COL4A6: variants seen among roughly 807,000 people sequenced by gnomAD.
COL4A6 encodes collagen alpha-6(IV) chain.
A neutral mutation model predicts 126.7 loss-of-function variants in COL4A6; 59 were observed. The ratio of observed to expected loss-of-function variants is 0.47; its 90% CI spans 0.38 to 0.58. COL4A6 has a LOEUF of 0.58. Ranked by LOEUF, COL4A6 falls within the 20% of genes least tolerant of loss-of-function variation. The pLI, the probability that COL4A6 is intolerant of heterozygous loss-of-function variation, is 0.00. For synonymous variants in COL4A6, 547 were observed against 496.6 expected (o/e 1.10, Z -1.35); for missense variants, 1,285 against 1,337.3 (o/e 0.96, Z 0.61).
intron 2 of COL4A6, among the ~76,000 whole-genome samples, chrX:108,345,247 G>T (rs781346368): frequency 9.0e-6 from 1 of 111,555 alleles, no homozygotes; most frequent in Non-Finnish European, 1.9e-5. Context: ...TCTGTTTTCA[G>T]ATGACTTTTA....
At chrX:108,284,537 A>G (rs1300194117) in intron 3 of COL4A6, among the ~76,000 whole-genome samples, 1 of 112,341 alleles carries the variant, frequency 8.9e-6, no homozygotes, top group Non-Finnish European at 1.9e-5. Context: ...ACAAAATAAA[A>G]CAAAACAAAA....
intron 7 of COL4A6, 66 bp from the exon 8 acceptor site, chrX:108,210,070 A>G: frequency 9.1e-7 from 1 of 1,094,987 alleles, no homozygotes; most frequent in Non-Finnish European, 1.3e-6. Context: ...CAGATAACTA[A>G]CCTAACATTT....
intron 3 of COL4A6, among the ~76,000 whole-genome samples, chrX:108,278,821 G>C (rs1208492761): frequency 9.0e-6 from 1 of 110,879 alleles, no homozygotes; most frequent in East Asian, 2.8e-4. Flanking sequence ...AGCCAGAAGA[G>C]AGTGGGGGCC....
At chrX:108,233,460 T>C (rs1460489594) in intron 3 of COL4A6, among the ~76,000 whole-genome samples, 1 of 110,804 alleles carries the variant, frequency 9.0e-6, no homozygotes, top group Admixed American at 9.6e-5. Context: ...ATTCCCTAAA[T>C]AGAAGGAGTA....
At chrX:108,187,369 A>G in intron 22 of COL4A6, 90 bp from the exon 23 acceptor site, 1 of 751,941 alleles carries the variant, frequency 1.3e-6, no homozygotes, top group Non-Finnish European at 1.8e-6. Flanking sequence ...AGCCAGTGTG[A>G]CCAATGCTTT....
At chrX:108,215,334 T>C (rs1263759911) in intron 5 of COL4A6, among the ~76,000 whole-genome samples, 1 of 112,345 alleles carries the variant, frequency 8.9e-6, no homozygotes, top group Non-Finnish European at 1.9e-5. Context: ...AGAGGAATGG[T>C]CAATAAACTT....
chrX:108,393,705 T>G (rs2148181659), intron 2 of COL4A6, among the ~76,000 whole-genome samples: 1 of 112,570 alleles, frequency 8.9e-6, no homozygotes, highest in South Asian at 3.6e-4. Context: ...GTTGAAATTA[T>G]TAGGTTGGTG....
chrX:108,322,707 A>G (rs1048008611), intron 2 of COL4A6, among the ~76,000 whole-genome samples: 2 of 112,166 alleles, frequency 1.8e-5, no homozygotes, highest in South Asian at 3.8e-4. Flanking sequence ...CTGAGTAGCT[A>G]TGAAAGAACA....
At chrX:108,168,122 T>A (rs909937211) in intron 37 of COL4A6, among the ~76,000 whole-genome samples, 3 of 112,724 alleles carry the variant, frequency 2.7e-5, no homozygotes, top group African/African-American at 9.7e-5. Context: ...CTTCTTGACC[T>A]GTGCTGTTTA....
intron 5 of COL4A6, among the ~76,000 whole-genome samples, chrX:108,217,971 C>T (rs1188595173): frequency 8.9e-6 from 1 of 111,808 alleles, no homozygotes; most frequent in East Asian, 2.8e-4. Context: ...GGGGTCTGAA[C>T]AGCTGCAACT....
intron 2 of COL4A6, among the ~76,000 whole-genome samples, chrX:108,387,567 T>C (rs1315064802): frequency 6.2e-5 from 7 of 112,247 alleles, no homozygotes; most frequent in Non-Finnish European, 1.3e-4. Flanking sequence ...ATTGATTTTG[T>C]ATCCTGAGAC....
intron 3 of COL4A6, among the ~76,000 whole-genome samples, chrX:108,230,375 T>C: frequency 8.9e-6 from 1 of 111,847 alleles, no homozygotes; most frequent in Middle Eastern, 4.6e-3. Flanking sequence ...AGGAGCAAAA[T>C]GGAATTAAAA....
chrX:108,299,124 A>T (rs998188270), intron 3 of COL4A6, among the ~76,000 whole-genome samples: 3 of 111,337 alleles, frequency 2.7e-5, no homozygotes, highest in Non-Finnish European at 5.7e-5. Flanking sequence ...CTGAGGGGTC[A>T]ATATTAGTAT....
At chrX:108,292,993 C>CAAAAAAAAAAA (rs149076547) in intron 3 of COL4A6, among the ~76,000 whole-genome samples, 2 of 14,555 alleles carry the variant, frequency 1.4e-4, no homozygotes, top group Non-Finnish European at 2.4e-4. Context: ...AGGAAAAAAG[C>CAAAAAAAAAAA]AAAAAAAAAA....
intron 3 of COL4A6, among the ~76,000 whole-genome samples, chrX:108,294,637 G>A (rs1603031600): frequency 9.0e-6 from 1 of 111,442 alleles, no homozygotes; most frequent in African/African-American, 3.3e-5. Flanking sequence ...GAGACGCTTC[G>A]GTTTGGGGTC....
chrX:108,346,815 G>T (rs1397534140), intron 2 of COL4A6, among the ~76,000 whole-genome samples: 2 of 112,020 alleles, frequency 1.8e-5, no homozygotes, highest in African/African-American at 6.5e-5. Context: ...ACAAGAAAGA[G>T]AATTATTTGC....
intron 43 of COL4A6, 43 bp from the exon 44 acceptor site, chrX:108,159,791 G>A: frequency 8.4e-7 from 1 of 1,195,662 alleles, no homozygotes; most frequent in Non-Finnish European, 1.1e-6. Flanking sequence ...AGGTCTGGCT[G>A]AGGGGCTTTG....
rs188578229 is a variant in COL4A6 at position 108,262,652 on chromosome X, C to T, written c.145-41278G>A. Among the ~76,000 whole-genome samples the T allele has an allele frequency of 1.6e-4, 18 of 111,370 alleles. No individual in the cohort carries two copies. The East Asian group carries it at 3.4e-3, about 21-fold the overall frequency. On this transcript the variant is annotated intron_variant, in intron 3 of 44. Transcript: ENST00000334504. ...TCTGAGGTTGTCTGGCTGTCTTACACGACTAATGTGAGGCAAATAAACATA... is the reference window on the plus strand; with the variant it reads ...TCTGAGGTTGTCTGGCTGTCTTACATGACTAATGTGAGGCAAATAAACATA...
chrX:108,204,722 TA>T (rs2035494372), intron 11 of COL4A6, among the ~76,000 whole-genome samples: 1 of 111,751 alleles, frequency 8.9e-6, no homozygotes, highest in South Asian at 3.7e-4. Flanking sequence ...GGTGAATGGC[TA>T]CCTCTTGGCA....
Sources: allele counts gnomAD v4.1 joint callset (sites outside exome capture counted in the v4.1 genomes callset), GRCh38; gene constraint gnomAD v4.1.1; transcripts MANE v1.5; gene names NCBI Gene and HGNC (gene_info 2026-07-23, HGNC 2026-07-21).